Variants in ARHGAP6 observed in about 807,000 individuals in gnomAD.
ARHGAP6 encodes Rho GTPase activating protein 6.
Under a neutral mutation model 55.7 loss-of-function variants are expected in ARHGAP6, and 16 were observed. The observed-to-expected ratio is 0.29, with a 90% CI of 0.19 to 0.44. ARHGAP6 has a LOEUF of 0.44. Among genes scored for constraint, ARHGAP6 ranks in the 20% least tolerant of loss-of-function variants. The probability of loss-of-function intolerance (pLI) is 1.00; values close to 1 mark genes in which losing one functional copy is unlikely to be tolerated. For missense variants in ARHGAP6, 698 were observed against 808.9 expected, an observed-to-expected ratio of 0.86 and a Z score of 1.66; for synonymous variants, 382 against 360.9, an observed-to-expected ratio of 1.06 and a Z score of -0.66.
At chrX:11,473,380 C>G (rs1367912321) in intron 1 of ARHGAP6, among the ~76,000 whole-genome samples, 1 of 111,731 alleles carries the variant, frequency 9.0e-6, no homozygotes, top group Non-Finnish European at 1.9e-5. Context: ...GTGTATGTGA[C>G]CTTATTTAGA....
chrX:11,522,527 G>A (rs2050941690), intron 1 of ARHGAP6, among the ~76,000 whole-genome samples: 1 of 110,703 alleles, frequency 9.0e-6, no homozygotes, highest in South Asian at 3.8e-4. Context: ...GAATCAAATA[G>A]ACGCAATAAA....
chrX:11,338,611 T>C (rs1038236094), intron 1 of ARHGAP6, among the ~76,000 whole-genome samples: 5 of 112,248 alleles, frequency 4.5e-5, no homozygotes, highest in African/African-American at 1.6e-4. Flanking sequence ...CAAACTTCTC[T>C]AAAGTCATCA....
At chrX:11,372,771 C>CAAAAAAAAAAAAAAA (rs1171647934) in intron 1 of ARHGAP6, among the ~76,000 whole-genome samples, 211 of 14,148 alleles carry the variant, frequency 0.015, no homozygotes, top group Middle Eastern at 0.043. Flanking sequence ...GACTCCATCT[C>CAAAAAAAAAAAAAAA]AAAAAAAAAA....
At chrX:11,586,324 T>C (rs1274606856) in intron 1 of ARHGAP6, among the ~76,000 whole-genome samples, 2 of 112,200 alleles carry the variant, frequency 1.8e-5, no homozygotes, top group South Asian at 3.7e-4. Context: ...TTTGGGTCTT[T>C]CATTCATCTT....
intron 1 of ARHGAP6, among the ~76,000 whole-genome samples, chrX:11,543,044 A>G (rs1349421630): frequency 8.9e-6 from 1 of 112,225 alleles, no homozygotes; most frequent in Non-Finnish European, 1.9e-5. Context: ...TGTATTTGGG[A>G]GTAATCAAAC....
At chrX:11,641,847 T>C (rs1425028956) in intron 1 of ARHGAP6, among the ~76,000 whole-genome samples, 1 of 111,750 alleles carries the variant, frequency 8.9e-6, no homozygotes, top group Non-Finnish European at 1.9e-5. Context: ...TCTAAGCGTG[T>C]CCACGTTGTT....
intron 9 of ARHGAP6, among the ~76,000 whole-genome samples, chrX:11,165,952 C>T (rs192934081): frequency 1.7e-3 from 188 of 111,957 alleles, no homozygotes; most frequent in African/African-American, 5.9e-3. Flanking sequence ...CTACTGCCTT[C>T]GTATTTTGAT....
intron 1 of ARHGAP6, among the ~76,000 whole-genome samples, chrX:11,396,936 CAT>C (rs1224516240): frequency 9.0e-6 from 1 of 111,439 alleles, no homozygotes; most frequent in Non-Finnish European, 1.9e-5. Context: ...TTGGTTAAAA[CAT>C]ATACACACAC....
intron 1 of ARHGAP6, among the ~76,000 whole-genome samples, chrX:11,532,951 A>T (rs1363573966): frequency 8.9e-6 from 1 of 112,038 alleles, no homozygotes; most frequent in Admixed American, 9.5e-5. Flanking sequence ...AAATATCCTC[A>T]TTGGACTCTT....
chrX:11,355,774 T>C (rs1569312152), intron 1 of ARHGAP6, among the ~76,000 whole-genome samples: 1 of 111,124 alleles, frequency 9.0e-6, no homozygotes, highest in Non-Finnish European at 1.9e-5. Flanking sequence ...CAATGAGTGA[T>C]ATGAGGAAGA....
In ARHGAP6 at chrX:11,245,460, A is replaced by G. The variant is rs1040768893; in HGVS notation, c.748+9088T>C. On this transcript the variant is annotated intron_variant, in intron 2 of 12. Transcript: ENST00000337414. ...GCCTTAGGTTCATCACCATGGCCCT[A>G]TGGAAAAAGAAGTTCCCGTCCACCT... is the stretch of plus-strand genomic sequence containing the variant. 3.6e-5 allele frequency among the ~76,000 whole-genome samples: 4 copies of G among 111,614 alleles called. No homozygotes were observed. The Admixed American group carries it at 3.8e-4, about 11-fold the overall frequency.
intron 1 of ARHGAP6, among the ~76,000 whole-genome samples, chrX:11,527,632 A>C (rs1447357180): frequency 8.9e-6 from 1 of 112,194 alleles, no homozygotes; most frequent in Non-Finnish European, 1.9e-5. Context: ...AAGAAAAGAA[A>C]AGAAAAAAGA....
At chrX:11,389,722 G>A (rs945425305) in intron 1 of ARHGAP6, among the ~76,000 whole-genome samples, 1 of 112,246 alleles carries the variant, frequency 8.9e-6, no homozygotes, top group African/African-American at 3.2e-5. Context: ...AAATCACTTG[G>A]TAAATTTGCT....
At chrX:11,275,835 C>G (rs55805491) in intron 1 of ARHGAP6, among the ~76,000 whole-genome samples, 1,412 of 111,571 alleles carry the variant, frequency 0.013, 14 homozygotes, top group Middle Eastern at 0.028. Context: ...CTTCCCCATG[C>G]CTTCCTACTC....
intron 1 of ARHGAP6, among the ~76,000 whole-genome samples, chrX:11,643,614 C>A (rs930072484): frequency 9.0e-6 from 1 of 111,498 alleles, no homozygotes; most frequent in African/African-American, 3.3e-5. Context: ...AAATTCCAAA[C>A]CATTTATATA....
intron 1 of ARHGAP6, among the ~76,000 whole-genome samples, chrX:11,510,424 C>T (rs1464419394): frequency 1.8e-5 from 2 of 110,931 alleles, no homozygotes; most frequent in Non-Finnish European, 1.9e-5. Flanking sequence ...TTTGGCCATG[C>T]GATAGTATGG....
At chrX:11,160,981 ATTAGT>A (rs1391784195) in intron 9 of ARHGAP6, among the ~76,000 whole-genome samples, 2 of 112,774 alleles carry the variant, frequency 1.8e-5, no homozygotes, top group Non-Finnish European at 3.7e-5. Flanking sequence ...TATATAATTC[ATTAGT>A]TTATTTATAA....
chrX:11,436,189 C>T (rs982602215), intron 1 of ARHGAP6, among the ~76,000 whole-genome samples: 1 of 112,303 alleles, frequency 8.9e-6, no homozygotes, highest in African/African-American at 3.2e-5. Context: ...ATAAACTTAG[C>T]CACTTGTTCC....
chrX:11,441,190 C>T (rs1223455480), intron 1 of ARHGAP6, among the ~76,000 whole-genome samples: 3 of 111,404 alleles, frequency 2.7e-5, no homozygotes, highest in Admixed American at 1.9e-4. Context: ...GAGGTAAATG[C>T]GACTCCCAGA....
Sources: allele counts gnomAD v4.1 joint callset (sites outside exome capture counted in the v4.1 genomes callset), GRCh38; gene constraint gnomAD v4.1.1; transcripts MANE v1.5; gene names NCBI Gene and HGNC (gene_info 2026-07-23, HGNC 2026-07-21).